THSD4: variants seen among roughly 807,000 people sequenced by gnomAD.
THSD4 encodes thrombospondin type-1 domain-containing protein 4.
THSD4 carries 69 observed loss-of-function variants against 119.0 expected under a neutral mutation model. The observed-to-expected ratio is 0.58, with a 90% CI of 0.48 to 0.71. The LOEUF (loss-of-function observed/expected upper bound fraction) is 0.71. Ranked by LOEUF, THSD4 falls within the 30% of genes least tolerant of loss-of-function variation. THSD4 has a pLI of 0.00. For synonymous variants in THSD4, 524 were observed against 540.4 expected (o/e 0.97, Z 0.42); for missense variants, 1,393 against 1,391.1 (o/e 1.00, Z -0.02).
At chr15:71,151,595 A>G (rs991567671) in intron 2 of THSD4, among the ~76,000 whole-genome samples, 2 of 152,186 alleles carry the variant, frequency 1.3e-5, no homozygotes, top group African/African-American at 4.8e-5. Flanking sequence ...TCATGCAACC[A>G]TGGAGCATGG....
chr15:71,118,143 G>A (rs939845303), intron 1 of THSD4, among the ~76,000 whole-genome samples: 8 of 152,056 alleles, frequency 5.3e-5, no homozygotes, highest in Non-Finnish European at 8.8e-5. Context: ...GAAAGAGCTC[G>A]AGGAAAGACT....
chr15:71,538,670 T>G (rs995088794), intron 7 of THSD4, among the ~76,000 whole-genome samples: 9 of 152,232 alleles, frequency 5.9e-5, no homozygotes, highest in African/African-American at 2.2e-4. Context: ...AGTTCCTAAT[T>G]CATAAGTCTG....
chr15:71,330,767 AT>A (rs1053117639), intron 6 of THSD4, among the ~76,000 whole-genome samples: 1 of 151,884 alleles, frequency 6.6e-6, no homozygotes, highest in Non-Finnish European at 1.5e-5. Flanking sequence ...AAACCCACTC[AT>A]TTTTTTCTCA....
At chr15:71,593,126 G>C (rs1432211343) in intron 7 of THSD4, among the ~76,000 whole-genome samples, 1 of 151,602 alleles carries the variant, frequency 6.6e-6, no homozygotes. Flanking sequence ...TGTCCATTGT[G>C]ATAAAAAGAG....
intron 4 of THSD4, among the ~76,000 whole-genome samples, chr15:71,227,178 C>T (rs2044024159): frequency 1.3e-5 from 2 of 152,164 alleles, no homozygotes; most frequent in African/African-American, 2.4e-5. Flanking sequence ...GACAAGGCTC[C>T]GAAGAGCCCT....
chr15:71,362,795 T>C (rs1232613477), intron 6 of THSD4, among the ~76,000 whole-genome samples: 1 of 152,126 alleles, frequency 6.6e-6, no homozygotes, highest in Non-Finnish European at 1.5e-5. Context: ...TCCACACATA[T>C]GGAGATCCAC....
intron 7 of THSD4, among the ~76,000 whole-genome samples, chr15:71,621,333 A>C (rs1486093585): frequency 6.6e-6 from 1 of 152,238 alleles, no homozygotes; most frequent in Non-Finnish European, 1.5e-5. Flanking sequence ...GATCATTAAC[A>C]TGGAAAAGAA....
At chr15:71,696,966 A>G (rs1532671) in intron 8 of THSD4, among the ~76,000 whole-genome samples, 57,137 of 152,066 alleles carry the variant, frequency 0.38, 12,021 homozygotes, top group African/African-American at 0.56. Context: ...AGTGTACAGG[A>G]CAGTCACAAG....
chr15:71,271,697 C>G (rs1293539336), intron 6 of THSD4, among the ~76,000 whole-genome samples: 2 of 152,146 alleles, frequency 1.3e-5, no homozygotes, highest in Non-Finnish European at 2.9e-5. Context: ...CTCTCTGCCT[C>G]TCTCTCTCAC....
chr15:71,097,460 G>A (rs993966072), intron 1 of THSD4, among the ~76,000 whole-genome samples: 4 of 151,688 alleles, frequency 2.6e-5, no homozygotes, highest in Admixed American at 6.6e-5. Context: ...CAGCTACTCC[G>A]GAGGCTAAGG....
At chr15:71,468,174 C>T (rs1260244284) in intron 7 of THSD4, among the ~76,000 whole-genome samples, 1 of 152,156 alleles carries the variant, frequency 6.6e-6, no homozygotes. Flanking sequence ...TAAAGGGGAG[C>T]TCCCATGCAC....
In THSD4 at chr15:71,586,000, T is replaced by C. The variant is rs538295131; in HGVS notation, c.1153-74530T>C. ...TTATTTTTCTGATTTCATTTAGTTA[T>C]CTAATTCTTTTGTAGCTCATTAACT... On this transcript the variant is annotated intron_variant, in intron 7 of 17. Transcript: ENST00000261862. Among the ~76,000 whole-genome samples, 5 of 152,346 alleles carry C rather than the reference T, an allele frequency of 3.3e-5. No homozygotes were observed. In the South Asian group the frequency reaches 1.0e-3, roughly 32 times the overall value.
chr15:71,465,144 A>G lies in THSD4; in HGVS notation c.1152+53321A>G, dbSNP rs566596906. On this transcript the variant is annotated intron_variant, in intron 7 of 17. Coordinates refer to ENST00000261862, the MANE Select transcript of THSD4 (RefSeq NM_024817.3). ...TTTAGCCACTGAAATTCTTTAGTGA[A>G]TAAACCTGTTTCTACTCATTTTTAA... Among the ~76,000 whole-genome samples, 6 of 152,338 alleles carry G rather than the reference A, an allele frequency of 3.9e-5. No homozygotes were observed. In the East Asian group the frequency reaches 1.2e-3, roughly 29 times the overall value.
intron 7 of THSD4, among the ~76,000 whole-genome samples, chr15:71,562,053 G>T (rs2049131344): frequency 6.6e-6 from 1 of 152,138 alleles, no homozygotes; most frequent in African/African-American, 2.4e-5. Flanking sequence ...TACATATGAG[G>T]ATAATGAATT....
intron 4 of THSD4, among the ~76,000 whole-genome samples, chr15:71,239,957 A>G (rs1231905497): frequency 6.6e-6 from 1 of 152,252 alleles, no homozygotes; most frequent in Non-Finnish European, 1.5e-5. Flanking sequence ...CAGATCTCTC[A>G]TAAACACACC....
At chr15:71,661,521 G>T (rs537760061) in intron 8 of THSD4, among the ~76,000 whole-genome samples, 1 of 151,446 alleles carries the variant, frequency 6.6e-6, no homozygotes, top group Non-Finnish European at 1.5e-5. Flanking sequence ...TCAGCCTCCC[G>T]AGTAGCTGGG....
chr15:71,132,344 A>G (rs1177150408), intron 1 of THSD4, among the ~76,000 whole-genome samples: 1 of 152,224 alleles, frequency 6.6e-6, no homozygotes, highest in African/African-American at 2.4e-5. Context: ...CATAGGGTGG[A>G]CTATTTTGCA....
At chr15:71,437,702 T>A (rs1385977703) in intron 7 of THSD4, among the ~76,000 whole-genome samples, 2 of 152,200 alleles carry the variant, frequency 1.3e-5, no homozygotes, top group Non-Finnish European at 2.9e-5. Flanking sequence ...TCCCTTTACA[T>A]GTTTGCAATA....
intron 6 of THSD4, among the ~76,000 whole-genome samples, chr15:71,410,134 G>A (rs2046665580): frequency 6.6e-6 from 1 of 152,154 alleles, no homozygotes; most frequent in Admixed American, 6.5e-5. Flanking sequence ...TCTAGCAGGA[G>A]GAGGGGAGAG....
Sources: allele counts gnomAD v4.1 joint callset (sites outside exome capture counted in the v4.1 genomes callset), GRCh38; gene constraint gnomAD v4.1.1; transcripts MANE v1.5; gene names NCBI Gene and HGNC (gene_info 2026-07-23, HGNC 2026-07-21).